Variants in KCND2 observed in about 807,000 individuals in gnomAD.
KCND2 encodes A-type voltage-gated potassium channel KCND2.
Under a neutral mutation model 54.4 loss-of-function variants are expected in KCND2, and 16 were observed. The observed-to-expected ratio is 0.29, with a 90% CI of 0.20 to 0.45. KCND2 has a LOEUF of 0.45. Among genes scored for constraint, KCND2 ranks in the 20% least tolerant of loss-of-function variants. The pLI is 1.00. For synonymous variants in KCND2, 317 were observed against 310.7 expected (o/e 1.02, Z -0.21); for missense variants, 486 against 824.2 (o/e 0.59, Z 5.02).
intron 1 of KCND2, among the ~76,000 whole-genome samples, chr7:120,592,106 G>T (rs1301814636): frequency 1.3e-5 from 2 of 152,204 alleles, no homozygotes; most frequent in African/African-American, 2.4e-5. Context: ...AGAGCCTTTA[G>T]TGAGGCAGCC....
chr7:120,560,290 A>G (rs1471957595), intron 1 of KCND2, among the ~76,000 whole-genome samples: 1 of 152,206 alleles, frequency 6.6e-6, no homozygotes, highest in Non-Finnish European at 1.5e-5. Context: ...CAGCAGAAGA[A>G]ATTTTAACTA....
At chr7:120,494,335 G>A (rs1802821954) in intron 1 of KCND2, among the ~76,000 whole-genome samples, 1 of 152,010 alleles carries the variant, frequency 6.6e-6, no homozygotes, top group African/African-American at 2.4e-5. Context: ...TATATATTGT[G>A]ACACCATGTT....
intron 1 of KCND2, among the ~76,000 whole-genome samples, chr7:120,355,857 G>A (rs1465723887): frequency 6.6e-6 from 1 of 152,190 alleles, no homozygotes; most frequent in Non-Finnish European, 1.5e-5. Context: ...GTATTTCTGA[G>A]TAACTTCCAC....
Position 120,498,518 on chromosome 7 carries a change from T to C in KCND2, c.1115+222771T>C, listed in dbSNP as rs547772417. On this transcript the variant is annotated intron_variant, in intron 1 of 5. Coordinates refer to ENST00000331113, the MANE Select transcript of KCND2 (RefSeq NM_012281.3). ...GACTGGGCGTGGTGGCTCACGCTTGTAATCCCAACACTTTGAGAGGCCAAG... is the reference window on the plus strand; with the variant it reads ...GACTGGGCGTGGTGGCTCACGCTTGCAATCCCAACACTTTGAGAGGCCAAG... 1.3e-3 allele frequency among the ~76,000 whole-genome samples: 202 copies of C among 151,968 alleles called. 1 individual carries two copies. The highest frequency in any genetic ancestry group is 1.8e-3 in the Non-Finnish European group (122 of 67,964).
intron 1 of KCND2, among the ~76,000 whole-genome samples, chr7:120,451,068 CA>C (rs1413165923): frequency 6.6e-6 from 1 of 152,156 alleles, no homozygotes; most frequent in Non-Finnish European, 1.5e-5. Context: ...CTTCCTCAAG[CA>C]AAGCATCACC....
At chr7:120,279,439 T>G (rs1365375402) in intron 1 of KCND2, among the ~76,000 whole-genome samples, 4 of 151,980 alleles carry the variant, frequency 2.6e-5, no homozygotes, top group Non-Finnish European at 4.4e-5. Context: ...AAAACAAAAT[T>G]GTTTTCATCA....
chr7:120,620,881 A>C (rs1793089010), intron 1 of KCND2, among the ~76,000 whole-genome samples: 2 of 152,218 alleles, frequency 1.3e-5, no homozygotes, highest in Non-Finnish European at 2.9e-5. Flanking sequence ...TGTGCACCCA[A>C]ACTTAGAAAA....
At chr7:120,655,211 TAA>T (rs1791786604) in intron 1 of KCND2, among the ~76,000 whole-genome samples, 1 of 152,040 alleles carries the variant, frequency 6.6e-6, no homozygotes, top group Non-Finnish European at 1.5e-5. Flanking sequence ...CCCCAGGAAG[TAA>T]ATAAACTTCA....
intron 1 of KCND2, among the ~76,000 whole-genome samples, chr7:120,570,070 A>T (rs1792343583): frequency 6.6e-6 from 1 of 152,150 alleles, no homozygotes; most frequent in African/African-American, 2.4e-5. Context: ...ATTTATTTTT[A>T]TTGATTTTCC....
At chr7:120,277,713 A>C (rs960740995) in intron 1 of KCND2, among the ~76,000 whole-genome samples, 5 of 151,998 alleles carry the variant, frequency 3.3e-5, no homozygotes, top group African/African-American at 1.2e-4. Flanking sequence ...TCCAATTTTT[A>C]TTTTATTTTG....
intron 1 of KCND2, among the ~76,000 whole-genome samples, chr7:120,602,483 C>A (rs1197985124): frequency 1.3e-5 from 2 of 152,136 alleles, no homozygotes; most frequent in African/African-American, 4.8e-5. Flanking sequence ...CATTGGGAAA[C>A]CAGTTATGGC....
Position 120,745,992 on chromosome 7 carries a change from G to T in KCND2, c.1680G>T (p.Gln560His). The T allele has an allele frequency of 3.7e-6, 6 of 1,613,714 alleles. No homozygotes were observed. The highest frequency in any genetic ancestry group is 5.1e-6 in the Non-Finnish European group (6 of 1,179,732). Residue 560 changes from glutamine (Q) to histidine (H), a missense_variant, in exon 5 of 6, where the codon CAG (glutamine) becomes CAT (histidine). Coordinates refer to ENST00000331113, the MANE Select transcript of KCND2 (RefSeq NM_012281.3). ...GTATACAAGAACTCAGCACGATTCA[G>T]ATCAGATGTGTGGAGAGAACACCTC... ...QGSIQELSTI[Q>H]IRCVERTPLS...
At chr7:120,681,589 T>C (rs1353524803) in intron 1 of KCND2, among the ~76,000 whole-genome samples, 5 of 152,048 alleles carry the variant, frequency 3.3e-5, no homozygotes, top group Non-Finnish European at 7.4e-5. Context: ...TGAAGAAGTA[T>C]GTATTGCGGT....
At chr7:120,486,322 A>G (rs1282644107) in intron 1 of KCND2, among the ~76,000 whole-genome samples, 1 of 152,174 alleles carries the variant, frequency 6.6e-6, no homozygotes, top group Non-Finnish European at 1.5e-5. Context: ...TTGTAGAACT[A>G]AAAACAATGA....
In KCND2 at chr7:120,525,076, TC is replaced by T. The variant is rs1391923539; in HGVS notation, c.1116-207826del. On this transcript the variant is annotated intron_variant, in intron 1 of 5. Transcript: ENST00000331113. Reference sequence around the variant, plus strand: ...GAACTATATTTTAGCCTAAATAACTTCTGCCTCATGTTGGTTCCTGCCAGTG... The same window carrying T: ...GAACTATATTTTAGCCTAAATAACTTTGCCTCATGTTGGTTCCTGCCAGTG... Among the ~76,000 whole-genome samples, 11 of 152,292 alleles carry T rather than the reference TC, an allele frequency of 7.2e-5. No individual in the cohort carries two copies. In the East Asian group the frequency reaches 1.9e-3, roughly 27 times the overall value.
chr7:120,676,649 CA>C (rs1792064689), intron 1 of KCND2, among the ~76,000 whole-genome samples: 2 of 152,104 alleles, frequency 1.3e-5, no homozygotes. Context: ...TTCAAGATAT[CA>C]AAGATGAGTT....
chr7:120,309,008 G>C (rs1799688818), intron 1 of KCND2, among the ~76,000 whole-genome samples: 1 of 152,088 alleles, frequency 6.6e-6, no homozygotes, highest in Admixed American at 6.6e-5. Context: ...TTAAGAAATG[G>C]CCTGGGAAAT....
chr7:120,350,056 G>A (rs1436976444), intron 1 of KCND2, among the ~76,000 whole-genome samples: 1 of 151,956 alleles, frequency 6.6e-6, no homozygotes, highest in Non-Finnish European at 1.5e-5. Context: ...CATAAAGAAT[G>A]TTTTACAGAT....
chr7:120,336,420 T>C (rs1004240009), intron 1 of KCND2, among the ~76,000 whole-genome samples: 1 of 152,206 alleles, frequency 6.6e-6, no homozygotes, highest in African/African-American at 2.4e-5. Flanking sequence ...CGGTCCATCT[T>C]GTGATTGCAT....
Sources: allele counts gnomAD v4.1 joint callset (sites outside exome capture counted in the v4.1 genomes callset), GRCh38; gene constraint gnomAD v4.1.1; transcripts MANE v1.5; gene names NCBI Gene and HGNC (gene_info 2026-07-23, HGNC 2026-07-21).